IGFBP5: variants seen among roughly 807,000 people sequenced by gnomAD.
The protein encoded by IGFBP5 is insulin-like growth factor-binding protein 5.
Under a neutral mutation model 28.0 loss-of-function variants are expected in IGFBP5, and 12 were observed. That is an observed-to-expected ratio of 0.43 (90% confidence interval 0.27 to 0.69). The LOEUF is 0.69. Among genes scored for constraint, IGFBP5 ranks in the 30% least tolerant of loss-of-function variants. The pLI, the probability that IGFBP5 is intolerant of heterozygous loss-of-function variation, is 0.20. For synonymous variants in IGFBP5, 152 were observed against 150.2 expected, an observed-to-expected ratio of 1.01 and a Z score of -0.09; for missense variants, 344 against 381.6, an observed-to-expected ratio of 0.90 and a Z score of 0.82.
chr2:216,686,823 C>A (rs954629025), intron 1 of IGFBP5, among the ~76,000 whole-genome samples: 2 of 151,892 alleles, frequency 1.3e-5, no homozygotes, highest in African/African-American at 4.8e-5. Context: ...TGCAGCACCA[C>A]GCCCAGGATG....
At position 216,675,975 on chromosome 2, in the gene IGFBP5, G is replaced by C. The variant is rs1382536455; in HGVS notation, c.*776C>G. ...ATGTATTGATTTCTAAAAAATGTCT[G>C]CCTGGGGAATGAAATATGCACATGT... On this transcript the variant is annotated 3_prime_UTR_variant, in exon 4 of 4. Coordinates refer to ENST00000233813, the MANE Select transcript of IGFBP5 (RefSeq NM_000599.4). 4 of 152,530 alleles carry C rather than the reference G, an allele frequency of 2.6e-5. No homozygotes were observed. Among genetic ancestry groups the C allele is most frequent in the African/African-American group, 9.7e-5 (4 of 41,428 alleles). 9.4% of individuals were successfully genotyped at this position (152,530 alleles called of 1,614,324 possible).
intron 3 of IGFBP5, 103 bp downstream of exon 3, chr2:216,678,009 G>T: frequency 8.9e-7 from 1 of 1,124,308 alleles, no homozygotes. Context: ...GAAACACTAA[G>T]TGGTTAACGG....
chr2:216,687,251 AG>A, intron 1 of IGFBP5, among the ~76,000 whole-genome samples: 1 of 152,298 alleles, frequency 6.6e-6, no homozygotes, highest in East Asian at 1.9e-4. Context: ...CTCCACTTAG[AG>A]AGCTCCCCCT....
In IGFBP5 at chr2:216,694,472, T is replaced by A; in HGVS notation, c.304A>T (p.Asn102Tyr). 2 of 1,584,946 alleles carry A rather than the reference T, an allele frequency of 1.3e-6. No individual in the cohort carries two copies. ...ALLHGRGVCL[N>Y]EKSYREQVKI... ...ACTTGCTCGCGGTAGCTCTTTTCGT[T>A]GAGGCAAACCCCGCGGCCGTGCAGC... Residue 102 changes from asparagine to tyrosine, a missense_variant, in exon 1 of 4, where the codon AAC becomes TAC. Transcript: ENST00000233813. The surrounding 1 kb of genome is among the most constrained non-coding windows in gnomAD (Gnocchi z 5.2).
Position 216,690,297 on chromosome 2 carries a change from C to T in IGFBP5, c.337+4142G>A, listed in dbSNP as rs78776873. ...GCTTGACTCAACGCAGCCATTCTCCCACCCTCTTCCCTTCTGCTCTGGCCC... is the reference window on the plus strand; with the variant it reads ...GCTTGACTCAACGCAGCCATTCTCCTACCCTCTTCCCTTCTGCTCTGGCCC... On this transcript the variant is annotated intron_variant, in intron 1 of 3. Coordinates refer to ENST00000233813, the MANE Select transcript of IGFBP5 (RefSeq NM_000599.4). Among the ~76,000 whole-genome samples, 492 of 152,298 alleles carry T rather than the reference C, an allele frequency of 3.2e-3. 4 individuals are homozygous for T. The highest frequency in any genetic ancestry group is 0.011 in the African/African-American group (461 of 41,560).
intron 1 of IGFBP5, among the ~76,000 whole-genome samples, chr2:216,682,551 TC>T (rs1476892492): frequency 6.6e-6 from 1 of 152,120 alleles, no homozygotes; most frequent in Non-Finnish European, 1.5e-5. Context: ...CGGGAGGACT[TC>T]CTGGTGAAGA....
intron 1 of IGFBP5, among the ~76,000 whole-genome samples, chr2:216,682,283 A>G (rs1688985281): frequency 6.6e-6 from 1 of 152,188 alleles, no homozygotes; most frequent in African/African-American, 2.4e-5. Flanking sequence ...TGTAGGCTCC[A>G]GAGAGACAGC....
chr2:216,683,444 C>T (rs1270928374), intron 1 of IGFBP5, among the ~76,000 whole-genome samples: 1 of 152,182 alleles, frequency 6.6e-6, no homozygotes, highest in Non-Finnish European at 1.5e-5. Flanking sequence ...TCAAATAAAT[C>T]CCTTCCTTCT....
Position 216,676,714 on chromosome 2 carries a change from G to T in IGFBP5, c.*37C>A. On this transcript the variant is annotated 3_prime_UTR_variant, in exon 4 of 4. Coordinates refer to ENST00000233813, the MANE Select transcript of IGFBP5 (RefSeq NM_000599.4). The stretch of plus-strand genomic sequence containing the variant: ...GCGCTGGCTGGAGTCGGGGCTGGGG[G>T]TGGGAGGGGGTGAGGGAAAGGTTGG... 1 of 1,485,090 alleles carries T rather than the reference G, an allele frequency of 6.7e-7. No individual in the cohort carries two copies. The highest frequency in any genetic ancestry group is 9.2e-7 in the Non-Finnish European group (1 of 1,082,528). 92.0% of individuals were successfully genotyped at this position (1,485,090 alleles called of 1,614,324 possible).
intron 3 of IGFBP5, 67 bp downstream of exon 3, chr2:216,678,045 G>A: frequency 7.3e-7 from 1 of 1,362,748 alleles, no homozygotes; most frequent in East Asian, 2.7e-5. Flanking sequence ...CTTGCCCAAG[G>A]TGGAGTTTCC....
At chr2:216,687,939 C>G (rs1689051088) in intron 1 of IGFBP5, among the ~76,000 whole-genome samples, 1 of 152,192 alleles carries the variant, frequency 6.6e-6, no homozygotes, top group Non-Finnish European at 1.5e-5. Context: ...GGAGCCCTGT[C>G]TGTCAACGAA....
intron 1 of IGFBP5, among the ~76,000 whole-genome samples, chr2:216,690,713 T>G: frequency 6.9e-6 from 1 of 144,882 alleles, no homozygotes; most frequent in Admixed American, 6.8e-5. Context: ...AGGGGATGCC[T>G]TAGAGTTGGG....
chr2:216,686,897 C>T (rs1165276159), intron 1 of IGFBP5, among the ~76,000 whole-genome samples: 4 of 151,928 alleles, frequency 2.6e-5, no homozygotes, highest in Non-Finnish European at 5.9e-5. Context: ...CTTTCTTCTT[C>T]CTCTTTCCAA....
chr2:216,688,812 A>G (rs1689060310), intron 1 of IGFBP5, among the ~76,000 whole-genome samples: 1 of 152,144 alleles, frequency 6.6e-6, no homozygotes, highest in South Asian at 2.1e-4. Context: ...GACTTACCGG[A>G]AAAAGGGGCC....
intron 1 of IGFBP5, among the ~76,000 whole-genome samples, chr2:216,686,337 C>A (rs1371693009): frequency 2.6e-5 from 4 of 152,206 alleles, no homozygotes; most frequent in Non-Finnish European, 5.9e-5. Context: ...TGAATAGGTA[C>A]AGCAAACTGT....
rs576341523 is a variant in IGFBP5 at position 216,693,315 on chromosome 2, C to A, written c.337+1124G>T. ...CGGCGCAACCCGGGGGCGGGGCAAG[C>A]GGAGGCGAGGCTCCCAGTGCGTGGC... On this transcript the variant is annotated intron_variant, in intron 1 of 3. Coordinates refer to ENST00000233813, the MANE Select transcript of IGFBP5 (RefSeq NM_000599.4). Among the ~76,000 whole-genome samples, 92 of 152,044 alleles carry A rather than the reference C, an allele frequency of 6.1e-4. 1 individual carries two copies. The highest frequency in any genetic ancestry group is 2.0e-3 in the African/African-American group (83 of 41,464).
intron 1 of IGFBP5, among the ~76,000 whole-genome samples, chr2:216,687,239 G>A (rs568271666): frequency 1.1e-4 from 17 of 152,282 alleles, no homozygotes; most frequent in Admixed American, 3.9e-4. Flanking sequence ...CTCCGGACCC[G>A]TCTCCACTTA....
rs1428992626 is a variant in IGFBP5 at position 216,679,338 on chromosome 2, C to T, written c.338-259G>A. Reference sequence around the variant, plus strand: ...GGGAGGCTTCACAGAGGAGGAGAATCGAGAGACTGACAGACTGATGGGTGA... The same window carrying T: ...GGGAGGCTTCACAGAGGAGGAGAATTGAGAGACTGACAGACTGATGGGTGA... On this transcript the variant is annotated intron_variant, in intron 1 of 3. Transcript: ENST00000233813. This position sits in a 1 kb window ranked among gnomAD's most constrained non-coding sequence, Gnocchi z 4.6. The T allele has an allele frequency of 1.7e-5, 9 of 526,594 alleles. No homozygotes were observed. The highest frequency in any genetic ancestry group is 6.9e-5 in the East Asian group (2 of 28,986). 32.6% of individuals were successfully genotyped at this position (526,594 alleles called of 1,614,324 possible). A position where few individuals can be genotyped will look rare whatever the true frequency, so the allele number is the denominator to read the frequency against.
At chr2:216,683,176 C>T (rs1688998278) in intron 1 of IGFBP5, among the ~76,000 whole-genome samples, 1 of 152,148 alleles carries the variant, frequency 6.6e-6, no homozygotes, top group South Asian at 2.1e-4. Flanking sequence ...CAAAAATTAG[C>T]TGGGCATAGA....
Sources: allele counts gnomAD v4.1 joint callset (sites outside exome capture counted in the v4.1 genomes callset), GRCh38; gene constraint gnomAD v4.1.1; non-coding constraint Gnocchi (gnomAD v3.1); transcripts MANE v1.5; gene names NCBI Gene and HGNC (gene_info 2026-07-23, HGNC 2026-07-21).